Variants in IPCEF1 observed in about 807,000 individuals in gnomAD.
IPCEF1 encodes the protein interaction protein for cytohesin exchange factors 1, also known as interactor protein for cytohesin exchange factors 1.
Under a neutral mutation model 50.9 loss-of-function variants are expected in IPCEF1, and 31 were observed. That is an observed-to-expected ratio of 0.61 (90% CI 0.46 to 0.82). The LOEUF (loss-of-function observed/expected upper bound fraction) is 0.82. IPCEF1 is among the 40% of genes least tolerant of loss of function. The pLI is 0.00. For synonymous variants in IPCEF1, 181 were observed against 192.0 expected (o/e 0.94, Z 0.47); for missense variants, 458 against 514.0 (o/e 0.89, Z 1.05).
intron 10 of IPCEF1, among the ~76,000 whole-genome samples, chr6:154,183,912 C>CA (rs533263387): frequency 3.7e-4 from 56 of 151,750 alleles, no homozygotes; most frequent in Non-Finnish European, 6.9e-4. Flanking sequence ...ACAAAAAAAA[C>CA]AAAAAACAAA....
In IPCEF1 at chr6:154,254,019, G is replaced by A. The variant is rs1223955961; in HGVS notation, c.37-6531C>T. Among the ~76,000 whole-genome samples the A allele has an allele frequency of 4.6e-5, 7 of 151,606 alleles. No homozygotes were observed. The South Asian group carries it at 8.3e-4, about 18-fold the overall frequency. ...CTGGGAATTTTGCTTTACTTGTATCGCCTTGTTTTTCCATTCTAAATCATT... is the reference window on the plus strand; with the variant it reads ...CTGGGAATTTTGCTTTACTTGTATCACCTTGTTTTTCCATTCTAAATCATT... On this transcript the variant is annotated intron_variant, in intron 3 of 11. Transcript: ENST00000367220.
At chr6:154,271,086 C>T (rs543970734) in intron 2 of IPCEF1, among the ~76,000 whole-genome samples, 1 of 152,142 alleles carries the variant, frequency 6.6e-6, no homozygotes, top group South Asian at 2.1e-4. Flanking sequence ...GGACTTGGCA[C>T]AGTGGCTCAC....
chr6:154,264,230 ACTT>A (rs1781694218), intron 3 of IPCEF1, among the ~76,000 whole-genome samples: 1 of 151,484 alleles, frequency 6.6e-6, no homozygotes, highest in African/African-American at 2.4e-5. Context: ...ACAATGCATG[ACTT>A]CTTTTTTTTT....
At chr6:154,160,706 C>T (rs746168709) in intron 11 of IPCEF1, among the ~76,000 whole-genome samples, 9 of 152,062 alleles carry the variant, frequency 5.9e-5, no homozygotes, top group Non-Finnish European at 1.3e-4. Flanking sequence ...TTTCTATAGA[C>T]AAGGAATGGA....
At chr6:154,160,649 T>A (rs757302931) in intron 11 of IPCEF1, among the ~76,000 whole-genome samples, 9 of 152,228 alleles carry the variant, frequency 5.9e-5, no homozygotes, top group Non-Finnish European at 1.0e-4. Flanking sequence ...CTGCCTCCTC[T>A]GTAACCAATG....
chr6:154,176,596 G>C (rs1437702811), intron 10 of IPCEF1, among the ~76,000 whole-genome samples: 2 of 152,022 alleles, frequency 1.3e-5, no homozygotes, highest in African/African-American at 4.8e-5. Flanking sequence ...AAAATACCTA[G>C]GAATCCAATT....
At chr6:154,325,490 T>A (rs899233736) in intron 1 of IPCEF1, among the ~76,000 whole-genome samples, 1 of 152,222 alleles carries the variant, frequency 6.6e-6, no homozygotes, top group Admixed American at 6.5e-5. Context: ...TAAATGTATA[T>A]CTGTACTGTC....
intron 5 of IPCEF1, among the ~76,000 whole-genome samples, chr6:154,245,407 G>A (rs1042219695): frequency 6.6e-6 from 1 of 152,158 alleles, no homozygotes; most frequent in South Asian, 2.1e-4. Flanking sequence ...CTTATTCCCA[G>A]CACTGGAATT....
At chr6:154,355,087 C>A (rs1784193221) in intron 1 of IPCEF1, among the ~76,000 whole-genome samples, 1 of 151,754 alleles carries the variant, frequency 6.6e-6, no homozygotes, top group South Asian at 2.1e-4. Context: ...TTAACCTGTA[C>A]TGCAATTATC....
At chr6:154,243,163 G>T (rs1175546262) in intron 5 of IPCEF1, among the ~76,000 whole-genome samples, 1 of 152,194 alleles carries the variant, frequency 6.6e-6, no homozygotes, top group Non-Finnish European at 1.5e-5. Context: ...ACTGGGTAGG[G>T]CTGACAAGTG....
At chr6:154,306,772 A>T (rs1374485595) in intron 1 of IPCEF1, 1 of 152,376 alleles carries the variant, frequency 6.6e-6, no homozygotes, top group Admixed American at 6.5e-5. Flanking sequence ...TCTGAAACTC[A>T]AAAAGTTAAG....
chr6:154,231,434 G>T (rs1779708761), intron 5 of IPCEF1, among the ~76,000 whole-genome samples: 1 of 152,204 alleles, frequency 6.6e-6, no homozygotes, highest in Non-Finnish European at 1.5e-5. Context: ...TATGTGGAAT[G>T]ACATGTACAT....
rs570435112 is a variant in IPCEF1 at position 154,347,882 on chromosome 6, C to T, written c.-62+8790G>A. Among the ~76,000 whole-genome samples, 5 of 152,260 alleles carry T rather than the reference C, an allele frequency of 3.3e-5. 1 individual carries two copies. The highest frequency in any genetic ancestry group is 1.2e-4 in the African/African-American group (5 of 41,542). Reference sequence around the variant, plus strand: ...AGTCCATTGAGATTGACAGAGGGATCGCTTGCTAACTTGCTCCCAATGCAC... The same window carrying T: ...AGTCCATTGAGATTGACAGAGGGATTGCTTGCTAACTTGCTCCCAATGCAC... On this transcript the variant is annotated intron_variant, in intron 1 of 11. Transcript: ENST00000367220.
intron 10 of IPCEF1, among the ~76,000 whole-genome samples, chr6:154,177,942 TG>T (rs1800486322): frequency 6.6e-6 from 1 of 152,166 alleles, no homozygotes; most frequent in Non-Finnish European, 1.5e-5. Context: ...ATATACACCA[TG>T]GGATACTACG....
chr6:154,164,292 G>A (rs1297335436), intron 11 of IPCEF1, among the ~76,000 whole-genome samples: 1 of 152,144 alleles, frequency 6.6e-6, no homozygotes, highest in Non-Finnish European at 1.5e-5. Flanking sequence ...TGGGCATTAA[G>A]CTGACACTTC....
chr6:154,313,770 G>T (rs11753806), intron 1 of IPCEF1, among the ~76,000 whole-genome samples: 3,077 of 151,990 alleles, frequency 0.02, 50 homozygotes, highest in Middle Eastern at 0.058. Context: ...TTGAGACAGG[G>T]TCTCGCTCTG....
At chr6:154,238,787 C>G (rs1678381247) in intron 5 of IPCEF1, among the ~76,000 whole-genome samples, 1 of 152,094 alleles carries the variant, frequency 6.6e-6, no homozygotes, top group African/African-American at 2.4e-5. Flanking sequence ...CTCAAGTGAT[C>G]CTCCCATCTC....
chr6:154,327,890 A>G (rs943113806), intron 1 of IPCEF1, among the ~76,000 whole-genome samples: 4 of 152,238 alleles, frequency 2.6e-5, no homozygotes, highest in Non-Finnish European at 2.9e-5. Flanking sequence ...CTAGGCACCC[A>G]TAAGAAGGAA....
intron 10 of IPCEF1, among the ~76,000 whole-genome samples, chr6:154,178,874 C>A (rs1800585826): frequency 6.6e-6 from 1 of 152,176 alleles, no homozygotes; most frequent in African/African-American, 2.4e-5. Context: ...GTGTGTCTGA[C>A]CTCTAATAAC....
Sources: allele counts gnomAD v4.1 joint callset (sites outside exome capture counted in the v4.1 genomes callset), GRCh38; gene constraint gnomAD v4.1.1; transcripts MANE v1.5; gene names NCBI Gene and HGNC (gene_info 2026-07-23, HGNC 2026-07-21).